Variants in HHAT observed in about 807,000 individuals in gnomAD.
HHAT encodes hedgehog acyltransferase.
HHAT carries 47 observed loss-of-function variants against 70.8 expected under a neutral mutation model. The ratio of observed to expected loss-of-function variants is 0.66; its 90% confidence interval spans 0.53 to 0.85. The LOEUF is 0.85. Ranked by LOEUF, HHAT falls within the 40% of genes least tolerant of loss-of-function variation. The pLI is 0.00. For synonymous variants in HHAT, 228 were observed against 247.6 expected, an observed-to-expected ratio of 0.92 and a Z score of 0.74; for missense variants, 609 against 604.8, an observed-to-expected ratio of 1.01 and a Z score of -0.07.
intron 2 of HHAT, among the ~76,000 whole-genome samples, chr1:210,352,499 T>C (rs1479448123): frequency 1.3e-5 from 2 of 152,172 alleles, no homozygotes; most frequent in African/African-American, 4.8e-5. Flanking sequence ...AGGGCATTCA[T>C]GTCTGGAGCA....
intron 2 of HHAT, among the ~76,000 whole-genome samples, chr1:210,360,413 C>T (rs11119468): frequency 0.11 from 16,191 of 151,564 alleles, 1,059 homozygotes; most frequent in Non-Finnish European, 0.15. Context: ...TGGGTTCAAG[C>T]AATTCTCTTG....
intron 11 of HHAT, among the ~76,000 whole-genome samples, chr1:210,667,162 C>T (rs959095963): frequency 6.6e-6 from 1 of 151,852 alleles, no homozygotes; most frequent in African/African-American, 2.4e-5. Context: ...GCAGGTGGAT[C>T]ACCTTGGGTC....
intron 9 of HHAT, among the ~76,000 whole-genome samples, chr1:210,585,090 G>A (rs1660138056): frequency 6.6e-6 from 1 of 152,056 alleles, no homozygotes; most frequent in African/African-American, 2.4e-5. Context: ...GTTCCTGATT[G>A]GGGTGAAATA....
At chr1:210,645,882 C>T (rs146442869) in intron 11 of HHAT, among the ~76,000 whole-genome samples, 22 of 144,272 alleles carry the variant, frequency 1.5e-4, no homozygotes, top group Non-Finnish European at 2.3e-4. Flanking sequence ...GTTCCCTATA[C>T]GCTCTCTAGC....
intron 1 of HHAT, among the ~76,000 whole-genome samples, chr1:210,331,483 C>G (rs993389814): frequency 6.6e-6 from 1 of 152,152 alleles, no homozygotes; most frequent in African/African-American, 2.4e-5. Flanking sequence ...TTCTAGGGCC[C>G]GGTCATTTGC....
chr1:210,455,101 C>T (rs1023427284), intron 7 of HHAT, among the ~76,000 whole-genome samples: 3 of 152,172 alleles, frequency 2.0e-5, no homozygotes, highest in Non-Finnish European at 4.4e-5. Flanking sequence ...GAAGCTCTTT[C>T]TGGGGCTGAC....
intron 7 of HHAT, among the ~76,000 whole-genome samples, chr1:210,439,345 C>T (rs548819156): frequency 6.6e-6 from 1 of 151,926 alleles, no homozygotes; most frequent in African/African-American, 2.4e-5. Flanking sequence ...ATTACTTCCT[C>T]TCTTGACTTC....
chr1:210,496,218 G>A lies in HHAT; in HGVS notation c.1008-16935G>A, dbSNP rs145749694. On this transcript the variant is annotated intron_variant, in intron 8 of 11. Transcript: ENST00000261458. Reference sequence around the variant, plus strand: ...TCAGCCAGGGCTGCAGTCATCTGAAGGCCTCGCTGGGCTGATCCTCTTCCA... The same window carrying A: ...TCAGCCAGGGCTGCAGTCATCTGAAAGCCTCGCTGGGCTGATCCTCTTCCA... Among the ~76,000 whole-genome samples, 739 of 152,074 alleles carry A rather than the reference G, an allele frequency of 4.9e-3. 11 individuals are homozygous for A. Among genetic ancestry groups the A allele is most frequent in the African/African-American group, 0.017 (712 of 41,496 alleles).
intron 8 of HHAT, among the ~76,000 whole-genome samples, chr1:210,512,647 G>C (rs570036971): frequency 5.8e-4 from 85 of 147,476 alleles, no homozygotes; most frequent in Non-Finnish European, 1.1e-3. Flanking sequence ...CTTCAGCCTG[G>C]GTGACAAAGG....
chr1:210,565,331 A>C (rs994948067), intron 9 of HHAT, among the ~76,000 whole-genome samples: 2 of 152,236 alleles, frequency 1.3e-5, no homozygotes, highest in African/African-American at 4.8e-5. Flanking sequence ...AAATGTCACC[A>C]CAGGCATCCT....
intron 7 of HHAT, among the ~76,000 whole-genome samples, chr1:210,448,200 G>C (rs2093673903): frequency 6.6e-6 from 1 of 151,640 alleles, no homozygotes; most frequent in Non-Finnish European, 1.5e-5. Context: ...TCCTGGCTCA[G>C]CTGCCTGAGT....
chr1:210,408,173 G>A (rs910764616), intron 6 of HHAT, among the ~76,000 whole-genome samples: 4 of 152,168 alleles, frequency 2.6e-5, no homozygotes, highest in African/African-American at 9.7e-5. Flanking sequence ...ATACTATAAA[G>A]TGTTAATTCT....
At chr1:210,529,612 C>T (rs942204569) in intron 9 of HHAT, among the ~76,000 whole-genome samples, 2 of 152,184 alleles carry the variant, frequency 1.3e-5, no homozygotes, top group African/African-American at 4.8e-5. Context: ...ATCCCAGGCC[C>T]AGCTTCTCAG....
chr1:210,477,998 T>C (rs2094331767), intron 8 of HHAT, among the ~76,000 whole-genome samples: 1 of 152,326 alleles, frequency 6.6e-6, no homozygotes, highest in South Asian at 2.1e-4. Context: ...CAAGATTCCT[T>C]GTATTTATGT....
chr1:210,427,131 ATAT>A (rs1369276836), intron 7 of HHAT, among the ~76,000 whole-genome samples: 4 of 151,802 alleles, frequency 2.6e-5, no homozygotes, highest in African/African-American at 9.7e-5. Context: ...CATATTAATA[ATAT>A]TCTCTGATGG....
intron 9 of HHAT, among the ~76,000 whole-genome samples, chr1:210,559,023 G>A (rs17260550): frequency 0.053 from 8,130 of 152,170 alleles, 322 homozygotes; most frequent in Non-Finnish European, 0.077. Context: ...GTAGAATCCC[G>A]TTCGGTCAGT....
At chr1:210,385,475 T>A (rs1198442276) in intron 3 of HHAT, among the ~76,000 whole-genome samples, 1 of 152,176 alleles carries the variant, frequency 6.6e-6, no homozygotes, top group Non-Finnish European at 1.5e-5. Flanking sequence ...AGGTTAAAGC[T>A]TTGAGTTCTC....
intron 6 of HHAT, among the ~76,000 whole-genome samples, chr1:210,413,746 A>G (rs961046335): frequency 2.0e-5 from 3 of 152,218 alleles, no homozygotes; most frequent in Non-Finnish European, 4.4e-5. Context: ...GGCCTTTACC[A>G]TGCACATTTC....
intron 10 of HHAT, among the ~76,000 whole-genome samples, chr1:210,594,785 G>A (rs942682966): frequency 4.6e-5 from 7 of 152,132 alleles, no homozygotes; most frequent in South Asian, 4.2e-4. Flanking sequence ...TTTCTCCTTC[G>A]TGTTTGAAGG....
Sources: gnomAD v4.1 joint callset for allele counts (sites outside exome capture counted in the v4.1 genomes callset) on GRCh38, gnomAD v4.1.1 for gene constraint, MANE v1.5 for transcripts, NCBI Gene and HGNC (gene_info 2026-07-23, HGNC 2026-07-21) for gene names.